Variants in MEX3A observed in about 807,000 individuals in gnomAD.
MEX3A encodes the protein RNA-binding protein MEX3A.
A neutral mutation model predicts 30.0 loss-of-function variants in MEX3A; 4 were observed. The observed-to-expected ratio is 0.13, with a 90% CI of 0.07 to 0.30. MEX3A has a LOEUF of 0.30. MEX3A is among the 10% of genes least tolerant of loss of function. MEX3A has a pLI of 1.00. For missense variants in MEX3A, 555 were observed against 736.7 expected (o/e 0.75, Z 2.86); for synonymous variants, 335 against 327.6 (o/e 1.02, Z -0.24).
In MEX3A at chr1:156,076,775, T is replaced by C; in HGVS notation, c.1362A>G (p.Lys454=). 1 of 1,588,508 alleles carries C rather than the reference T, an allele frequency of 6.3e-7. No homozygotes were observed. The highest frequency in any genetic ancestry group is 8.6e-7 in the Non-Finnish European group (1 of 1,167,576). The part of the protein sequence containing the change: ...PPGEPLQGFS[K]LGGGGLRSPG... ...GGCTCCGCAGGCCGCCCCCACCAAG[T>C]TTAGAGAAGCCCTGGAGCGGCTCTC... is the stretch of plus-strand genomic sequence containing the variant. The change falls in exon 2 of 2, where the codon AAA becomes AAG. Residue 454 remains lysine, a synonymous_variant. Coordinates refer to ENST00000532414, the MANE Select transcript of MEX3A (RefSeq NM_001093725.2). This position sits in a 1 kb window ranked among gnomAD's most constrained non-coding sequence, Gnocchi z 6.0.
Position 156,076,399 on chromosome 1 carries a change from AGGC to A in MEX3A, c.*172_*174del. 1 of 621,812 alleles carries A rather than the reference AGGC, an allele frequency of 1.6e-6. No individual in the cohort carries two copies. The highest frequency in any genetic ancestry group is 2.3e-5 in the South Asian group (1 of 42,788). 38.5% of individuals were successfully genotyped at this position (621,812 alleles called of 1,614,324 possible). On this transcript the variant is annotated 3_prime_UTR_variant, in exon 2 of 2. Transcript: ENST00000532414. This position sits in a 1 kb window ranked among gnomAD's most constrained non-coding sequence, Gnocchi z 6.0. ...AATCTTTCCAGGACAGGGTGACCAG[AGGC>A]TCTGAAAGTGGCGCACCCTCCAGCC...
chr1:156,079,832 G>C (rs1031601235), intron 1 of MEX3A, among the ~76,000 whole-genome samples: 7 of 152,150 alleles, frequency 4.6e-5, no homozygotes, highest in African/African-American at 1.7e-4. Context: ...CCAAGGCATC[G>C]AGTAAGAAGA....
chr1:156,080,668 G>A (rs1648193943), intron 1 of MEX3A, among the ~76,000 whole-genome samples: 2 of 151,984 alleles, frequency 1.3e-5, no homozygotes, highest in Non-Finnish European at 2.9e-5. Flanking sequence ...GAGCAGCAGA[G>A]GGTGTGGTAC....
At chr1:156,078,228 C>T (rs905119629) in intron 1 of MEX3A, among the ~76,000 whole-genome samples, 2 of 152,168 alleles carry the variant, frequency 1.3e-5, no homozygotes, top group Admixed American at 6.5e-5. Context: ...CCAGGGACCA[C>T]TGAAGTCTAT....
chr1:156,079,722 G>A (rs912958605), intron 1 of MEX3A, among the ~76,000 whole-genome samples: 1 of 152,092 alleles, frequency 6.6e-6, no homozygotes, highest in Non-Finnish European at 1.5e-5. Flanking sequence ...CTCACATATC[G>A]TTTGATGGGC....
At chr1:156,078,143 A>G (rs1648123367) in intron 1 of MEX3A, among the ~76,000 whole-genome samples, 2 of 152,178 alleles carry the variant, frequency 1.3e-5, no homozygotes, top group South Asian at 4.1e-4. Flanking sequence ...ATCTTTCCAC[A>G]GAACCCCAAT....
intron 1 of MEX3A, among the ~76,000 whole-genome samples, chr1:156,079,861 G>T (rs1648172474): frequency 6.6e-6 from 1 of 152,152 alleles, no homozygotes; most frequent in Non-Finnish European, 1.5e-5. Flanking sequence ...AGGCCTGGAG[G>T]TGCAAAGCTG....
At position 156,074,470 on chromosome 1, in the gene MEX3A, C is replaced by G. The variant is rs1354006348; in HGVS notation, c.*2104G>C. ...GTGTTGGTCGCCTGTCTCGCTCCCT[C>G]TCATGCTCTCTTTCTCTCCTCTATT... is the stretch of plus-strand genomic sequence containing the variant. On this transcript the variant is annotated 3_prime_UTR_variant, in exon 2 of 2. Coordinates refer to ENST00000532414, the MANE Select transcript of MEX3A (RefSeq NM_001093725.2). 3 of 149,652 alleles carry G rather than the reference C, an allele frequency of 2.0e-5. No homozygotes were observed. The highest frequency in any genetic ancestry group is 4.4e-5 in the Non-Finnish European group (3 of 67,604). 9.3% of individuals were successfully genotyped at this position (149,652 alleles called of 1,614,324 possible).
At chr1:156,078,424 G>A (rs1387438660) in intron 1 of MEX3A, among the ~76,000 whole-genome samples, 1 of 152,110 alleles carries the variant, frequency 6.6e-6, no homozygotes, top group African/African-American at 2.4e-5. Flanking sequence ...GCCCAACCCC[G>A]TGTCACTCTT....
chr1:156,076,802 C>T lies in MEX3A; in HGVS notation c.1335G>A (p.Pro445=). 1 of 1,560,866 alleles carries T rather than the reference C, an allele frequency of 6.4e-7. No individual in the cohort carries two copies. The change falls in exon 2 of 2, where the codon CCG becomes CCA. Residue 445 remains proline (P), a synonymous_variant. Transcript: ENST00000532414. The surrounding 1 kb of genome is among the most constrained non-coding windows in gnomAD (Gnocchi z 6.0). ...TAGAGAAGCCCTGGAGCGGCTCTCC[C>T]GGGGGGCGCCTCGGGAGTCCGGCCA... ...PELAGLPRRP[P]GEPLQGFSKL...
intron 1 of MEX3A, among the ~76,000 whole-genome samples, chr1:156,080,681 G>A (rs1022853565): frequency 3.3e-5 from 5 of 152,002 alleles, no homozygotes; most frequent in Non-Finnish European, 7.4e-5. Flanking sequence ...TGTGGTACCA[G>A]ACATACTACG....
Position 156,081,772 on chromosome 1 carries a change from G to C in MEX3A, c.227C>G (p.Pro76Arg). 1 of 812,422 alleles carries C rather than the reference G, an allele frequency of 1.2e-6. No individual in the cohort carries two copies. The highest frequency in any genetic ancestry group is 1.5e-6 in the Non-Finnish European group (1 of 668,444). The allele number at this position is 812,422 out of a possible 1,614,324, so 50.3% of individuals were successfully genotyped here. A position where few individuals can be genotyped will look rare whatever the true frequency, so the allele number is the denominator to read the frequency against. The change falls in exon 1 of 2, where the codon CCC (proline) becomes CGC (arginine). Residue 76 changes from proline (P) to arginine (R), a missense_variant. Physicochemically the swap from Pro to Arg is moderately radical, Grantham distance 103. Coordinates refer to ENST00000532414, the MANE Select transcript of MEX3A (RefSeq NM_001093725.2). ...CGGCGGCGGCGGGGCCGGCTGCGGG[G>C]GGGCGGCCGGCTGCGCGGGGGCGCC... ...GGGAPAQPAA[P>R]PQPAPPPPPA... is the part of the protein sequence containing the mutation.
In MEX3A at chr1:156,072,021, T is replaced by C. The variant is rs1226076398; in HGVS notation, c.*4553A>G. 2 of 152,770 alleles carry C rather than the reference T, an allele frequency of 1.3e-5. No individual in the cohort carries two copies. Among genetic ancestry groups the C allele is most frequent in the East Asian group, 3.7e-4 (2 of 5,336 alleles). The allele number at this position is 152,770 out of a possible 1,614,324, so 9.5% of individuals were successfully genotyped here. A position where few individuals can be genotyped will look rare whatever the true frequency, so the allele number is the denominator to read the frequency against. On this transcript the variant is annotated 3_prime_UTR_variant, in exon 2 of 2. Transcript: ENST00000532414. ...AGAACGAAGACAGAGCCTTAAGTAA[T>C]AGTACTTTTAATAAAATTAAGTTCT...
chr1:156,077,532 A>G lies in MEX3A; in HGVS notation c.605T>C (p.Met202Thr), dbSNP rs540241967. Reference protein sequence around the residue: ...EIISAAEHFSMIRASRNKSGA... With the variant: ...EIISAAEHFSTIRASRNKSGA... ...TGACTTGTTGCGGGAGGCACGGATC[A>G]TGGAGAAGTGCTCCGCTGCTGAGAT... The change falls in exon 2 of 2, where the codon ATG becomes ACG. Residue 202 changes from methionine (M) to threonine (T), a missense_variant. Transcript: ENST00000532414. The surrounding 1 kb of genome is among the most constrained non-coding windows in gnomAD (Gnocchi z 8.3). The G allele has an allele frequency of 6.2e-7, 1 of 1,612,688 alleles. No homozygotes were observed.
At chr1:156,081,330 C>T (rs529900977) in intron 1 of MEX3A, among the ~76,000 whole-genome samples, 3 of 152,326 alleles carry the variant, frequency 2.0e-5, no homozygotes, top group African/African-American at 7.2e-5. Context: ...TGTCTAAAGG[C>T]AGAGTCCTGG....
Position 156,081,588 on chromosome 1 carries a change from G to T in MEX3A, c.411C>A (p.Pro137=). The T allele has an allele frequency of 6.3e-7, 1 of 1,594,476 alleles. No individual in the cohort carries two copies. ...CGGCCACGTGCTCGGAGGTGGGCAC[G>T]GGAACACACTCCGTGGTGTTGCTGC... ...KGSSNTTECV[P]VPTSEHVAEI... Residue 137 remains proline, a synonymous_variant, in exon 1 of 2, where the codon CCC becomes CCA. Transcript: ENST00000532414.
In MEX3A at chr1:156,074,662, CT is replaced by C. The variant is rs1284904758; in HGVS notation, c.*1911del. 6.6e-6 allele frequency: 1 copy of C among 151,036 alleles called. No individual in the cohort carries two copies. The highest frequency in any genetic ancestry group is 1.5e-5 in the Non-Finnish European group (1 of 67,556). 9.4% of individuals were successfully genotyped at this position (151,036 alleles called of 1,614,324 possible). A position where few individuals can be genotyped will look rare whatever the true frequency, so the allele number is the denominator to read the frequency against. ...ACAGACATCCCTTCTTCCCACCCCCCTCCCCACCTGCCCCCCGGCAACCGAG... is the reference window on the plus strand; with the variant it reads ...ACAGACATCCCTTCTTCCCACCCCCCCCCCACCTGCCCCCCGGCAACCGAG... On this transcript the variant is annotated 3_prime_UTR_variant, in exon 2 of 2. Coordinates refer to ENST00000532414, the MANE Select transcript of MEX3A (RefSeq NM_001093725.2).
In MEX3A at chr1:156,081,843, C is replaced by A. The variant is rs774395027; in HGVS notation, c.156G>T (p.Glu52Asp). 2 of 1,367,650 alleles carry A rather than the reference C, an allele frequency of 1.5e-6. No homozygotes were observed. Among genetic ancestry groups the A allele is most frequent in the Non-Finnish European group, 1.9e-6 (2 of 1,043,842 alleles). The allele number at this position is 1,367,650 out of a possible 1,614,324, so 84.7% of individuals were successfully genotyped here. A position where few individuals can be genotyped will look rare whatever the true frequency, so the allele number is the denominator to read the frequency against. Residue 52 changes from glutamate to aspartate, a missense_variant, in exon 1 of 2, where the codon GAG (glutamate) becomes GAT (aspartate). This residue lies in a region of MEX3A where 159 missense variants were observed against 159.9 expected (regional missense o/e 0.99). Transcript: ENST00000532414. ...CCTCGCCCGCCGTGGGGGCGGGGGG[C>A]TCCCCCAAACCCAGGAGGCAGAGTT... Reference protein sequence around the residue: ...LDQLCLLGLGEPPAPTAGEDG... With the variant: ...LDQLCLLGLGDPPAPTAGEDG...
Position 156,076,997 on chromosome 1 carries a change from C to T in MEX3A, c.1140G>A (p.Val380=), listed in dbSNP as rs1465469883. 2 of 1,613,462 alleles carry T rather than the reference C, an allele frequency of 1.2e-6. No individual in the cohort carries two copies. Among genetic ancestry groups the T allele is most frequent in the South Asian group, 2.2e-5 (2 of 91,074 alleles). ...FPGYGVGKQD[V]YYGVAETSPP... is the part of the protein sequence containing the mutation. ...GGCTAGTCTCGGCCACGCCGTAGTA[C>T]ACATCCTGCTTGCCCACGCCATAGC... is the stretch of plus-strand genomic sequence containing the variant. Residue 380 remains valine (V), a synonymous_variant, in exon 2 of 2, where the codon GTG becomes GTA. Coordinates refer to ENST00000532414, the MANE Select transcript of MEX3A (RefSeq NM_001093725.2). This position sits in a 1 kb window ranked among gnomAD's most constrained non-coding sequence, Gnocchi z 6.0.
Sources: gnomAD v4.1 joint callset for allele counts (sites outside exome capture counted in the v4.1 genomes callset) on GRCh38, gnomAD v4.1.1 for gene constraint, gnomAD v4.1.1 regional missense constraint, Gnocchi (gnomAD v3.1) non-coding constraint, MANE v1.5 for transcripts, NCBI Gene and HGNC (gene_info 2026-07-23, HGNC 2026-07-21) for gene names.